The following TET1 variants were observed in gnomAD, a reference collection of about 807,000 sequenced individuals.
TET1 encodes tet methylcytosine dioxygenase 1.
In TET1, 13 loss-of-function variants were observed where a neutral mutation model predicts 148.7. The ratio of observed to expected loss-of-function variants is 0.09; its 90% CI spans 0.06 to 0.14. The LOEUF is 0.14. TET1 is among the 10% of genes least tolerant of loss of function. The pLI is 1.00. For missense variants in TET1, 2,182 were observed against 2,553.8 expected, an observed-to-expected ratio of 0.85 and a Z score of 3.14; for synonymous variants, 907 against 937.2, an observed-to-expected ratio of 0.97 and a Z score of 0.59.
chr10:68,602,474 G>C (rs1185714458), intron 3 of TET1, among the ~76,000 whole-genome samples: 1 of 152,192 alleles, frequency 6.6e-6, no homozygotes, highest in Non-Finnish European at 1.5e-5. Context: ...GCAGGAGAAA[G>C]GGATAGATTA....
chr10:68,602,856 A>G (rs1176724587), intron 3 of TET1, among the ~76,000 whole-genome samples: 1 of 152,172 alleles, frequency 6.6e-6, no homozygotes, highest in East Asian at 1.9e-4. Flanking sequence ...GGTTTTCCAC[A>G]TTTTCTGTTA....
intron 8 of TET1, among the ~76,000 whole-genome samples, chr10:68,676,045 C>T (rs898098672): frequency 2.7e-5 from 4 of 150,930 alleles, no homozygotes; most frequent in South Asian, 2.1e-4. Flanking sequence ...TTAGTAGAGA[C>T]GGGGTTTCAC....
At chr10:68,560,847 GC>G (rs980895913) in intron 1 of TET1, 105 bp downstream of exon 1, 2 of 152,592 alleles carry the variant, frequency 1.3e-5, no homozygotes, top group African/African-American at 4.8e-5. Context: ...GCTGGATGTG[GC>G]CGGGGCTCTG....
At chr10:68,627,664 A>T (rs1050513169) in intron 3 of TET1, among the ~76,000 whole-genome samples, 8 of 151,822 alleles carry the variant, frequency 5.3e-5, no homozygotes, top group African/African-American at 1.9e-4. Context: ...GCGGTGGCTC[A>T]CGCTGTAATC....
intron 2 of TET1, among the ~76,000 whole-genome samples, chr10:68,588,301 G>A (rs1269835151): frequency 1.3e-5 from 2 of 152,182 alleles, no homozygotes; most frequent in African/African-American, 4.8e-5. Context: ...TATTTATTAA[G>A]TGAGCAGTAT....
chr10:68,617,296 T>A (rs2054307879), intron 3 of TET1, among the ~76,000 whole-genome samples: 1 of 151,730 alleles, frequency 6.6e-6, no homozygotes, highest in Non-Finnish European at 1.5e-5. Flanking sequence ...AGTGCTAGGA[T>A]TACAGGCGTT....
intron 6 of TET1, among the ~76,000 whole-genome samples, chr10:68,661,989 C>T (rs921808530): frequency 1.3e-5 from 2 of 150,050 alleles, no homozygotes; most frequent in South Asian, 2.1e-4. Context: ...GATTCTCATG[C>T]GTCAGCCTCC....
intron 1 of TET1, among the ~76,000 whole-genome samples, chr10:68,563,058 C>T (rs2053571421): frequency 6.6e-6 from 1 of 151,234 alleles, no homozygotes; most frequent in Non-Finnish European, 1.5e-5. Flanking sequence ...CTTCTACTTC[C>T]TCCTGTTGTG....
chr10:68,680,006 G>A (rs2055415273), intron 8 of TET1, among the ~76,000 whole-genome samples: 4 of 152,142 alleles, frequency 2.6e-5, no homozygotes, highest in South Asian at 2.1e-4. Flanking sequence ...CAACGGCTAA[G>A]ATAAAAGTAG....
intron 3 of TET1, among the ~76,000 whole-genome samples, chr10:68,619,083 C>T (rs1323563507): frequency 1.3e-5 from 2 of 152,148 alleles, no homozygotes; most frequent in Non-Finnish European, 2.9e-5. Flanking sequence ...CTCCTGTATA[C>T]TTGTTCCTCC....
intron 3 of TET1, among the ~76,000 whole-genome samples, chr10:68,609,161 CTAATTTTATT>C (rs2054170545): frequency 6.6e-6 from 1 of 151,948 alleles, no homozygotes; most frequent in African/African-American, 2.4e-5. Flanking sequence ...CCAAGCCTGA[CTAATTTTATT>C]TTTTTTTGAG....
rs1416662531 is a variant in TET1, at chr10:68,645,307, G to C, written c.2578G>C (p.Glu860Gln). 6 of 1,614,002 alleles carry C rather than the reference G, an allele frequency of 3.7e-6. No individual in the cohort carries two copies. The highest frequency in any genetic ancestry group is 1.6e-4 in the Middle Eastern group (1 of 6,084). ...TGAAGGTGATCAACCAAAAACTCCT[G>C]AGAATATACCAAGTAAAGAACCAAA... ...HNEGDQPKTP[E>Q]NIPSKEPKDG... The change falls in exon 4 of 12, where the codon GAG becomes CAG. Residue 860 changes from glutamate to glutamine, a missense_variant. Physicochemically the swap from Glu to Gln is conservative, Grantham distance 29 (BLOSUM62 2). Around this residue, in one of 11 missense-constraint regions of TET1, gnomAD observed 582 missense variants for 599.5 expected, o/e 0.97. Coordinates refer to ENST00000373644, the MANE Select transcript of TET1 (RefSeq NM_030625.3).
intron 2 of TET1, among the ~76,000 whole-genome samples, chr10:68,575,857 T>A (rs918095675): frequency 6.7e-6 from 1 of 150,328 alleles, no homozygotes; most frequent in Non-Finnish European, 1.5e-5. Context: ...CCGTCTCTAC[T>A]AAAAATACAA....
intron 4 of TET1, among the ~76,000 whole-genome samples, chr10:68,651,135 TG>T (rs1564492622): frequency 6.6e-6 from 1 of 152,170 alleles, no homozygotes; most frequent in African/African-American, 2.4e-5. Flanking sequence ...TACAAATAAT[TG>T]TAACAAGGAA....
chr10:68,563,157 TC>T (rs1236176270), intron 1 of TET1, among the ~76,000 whole-genome samples: 1 of 152,026 alleles, frequency 6.6e-6, no homozygotes, highest in African/African-American at 2.4e-5. Context: ...CCCCCTTTTT[TC>T]CCCCTTCCTC....
intron 10 of TET1, among the ~76,000 whole-genome samples, chr10:68,684,090 A>G (rs2055476431): frequency 6.6e-6 from 1 of 152,168 alleles, no homozygotes; most frequent in Non-Finnish European, 1.5e-5. Context: ...TAAAACCTTC[A>G]TTAAGTCTTG....
chr10:68,688,554 C>A (rs1270241210), intron 11 of TET1, among the ~76,000 whole-genome samples: 2 of 151,454 alleles, frequency 1.3e-5, no homozygotes, highest in Non-Finnish European at 2.9e-5. Context: ...CCTGCCTCAA[C>A]CTCCCGAGTA....
At chr10:68,620,272 A>G (rs2054351968) in intron 3 of TET1, among the ~76,000 whole-genome samples, 1 of 152,186 alleles carries the variant, frequency 6.6e-6, no homozygotes, top group Non-Finnish European at 1.5e-5. Flanking sequence ...ATTTTAGAAC[A>G]TTTTCATTAC....
Position 68,670,263 on chromosome 10 carries a change from G to A in TET1, c.4674-2632G>A, listed in dbSNP as rs564713831. ...AATTTTCCCCTGTCCATGATTGAAT[G>A]CATTTAGTTATTTTGTCCTTTTGCT... On this transcript the variant is annotated intron_variant, in intron 7 of 11. Coordinates refer to ENST00000373644, the MANE Select transcript of TET1 (RefSeq NM_030625.3). Among the ~76,000 whole-genome samples, 3 of 152,118 alleles carry A rather than the reference G, an allele frequency of 2.0e-5. No homozygotes were observed. In the East Asian group the frequency reaches 5.8e-4, roughly 29 times the overall value.
Sources: allele counts gnomAD v4.1 joint callset (sites outside exome capture counted in the v4.1 genomes callset), GRCh38; gene constraint gnomAD v4.1.1; regional missense constraint gnomAD v4.1.1; transcripts MANE v1.5; gene names NCBI Gene and HGNC (gene_info 2026-07-23, HGNC 2026-07-21).